Variants in MBD5 observed in about 807,000 individuals in gnomAD.
The protein encoded by MBD5 is methyl-CpG binding domain protein 5.
Under a neutral mutation model 117.3 loss-of-function variants are expected in MBD5, and 13 were observed. The ratio of observed to expected loss-of-function variants is 0.11; its 90% CI spans 0.07 to 0.18. The LOEUF is 0.18. Ranked by LOEUF, MBD5 falls within the 10% of genes least tolerant of loss-of-function variation. The probability of loss-of-function intolerance (pLI) is 1.00; values close to 1 mark genes in which losing one functional copy is unlikely to be tolerated. For missense variants in MBD5, 1,879 were observed against 2,093.8 expected (o/e 0.90, Z 2.00); for synonymous variants, 727 against 766.4 (o/e 0.95, Z 0.85).
chr2:148,242,472 G>C (rs1448771654), intron 3 of MBD5, among the ~76,000 whole-genome samples: 2 of 152,106 alleles, frequency 1.3e-5, no homozygotes, highest in African/African-American at 4.8e-5. Flanking sequence ...ATTACTGCAT[G>C]GCCAGTGTTC....
chr2:148,211,826 A>G (rs7564231), intron 2 of MBD5, among the ~76,000 whole-genome samples: 117,376 of 152,138 alleles, frequency 0.77, 46,601 homozygotes, highest in Non-Finnish European at 0.86. Flanking sequence ...GATCAGTGCA[A>G]CCTCAACCTC....
chr2:148,044,238 T>C (rs973556773), intron 1 of MBD5: 2 of 152,234 alleles, frequency 1.3e-5, no homozygotes, highest in Non-Finnish European at 2.9e-5. Flanking sequence ...TTATTTTTGC[T>C]GGTTTACTTC....
At chr2:148,114,103 G>A (rs1696564360) in intron 1 of MBD5, among the ~76,000 whole-genome samples, 1 of 152,040 alleles carries the variant, frequency 6.6e-6, no homozygotes, top group South Asian at 2.1e-4. Context: ...ATATACTAGT[G>A]CTCTGATTAC....
At chr2:148,080,474 G>T (rs1298018726) in intron 1 of MBD5, among the ~76,000 whole-genome samples, 1 of 151,904 alleles carries the variant, frequency 6.6e-6, no homozygotes, top group Non-Finnish European at 1.5e-5. Context: ...ACAACTTTTT[G>T]CTCTATATAT....
chr2:148,322,299 G>A (rs1254201084), intron 3 of MBD5, among the ~76,000 whole-genome samples: 4 of 152,204 alleles, frequency 2.6e-5, no homozygotes, highest in African/African-American at 9.6e-5. Context: ...AAAGTAGAAT[G>A]TTGTCATTCT....
At chr2:148,356,120 T>A (rs1021863632) in intron 4 of MBD5, among the ~76,000 whole-genome samples, 2 of 152,176 alleles carry the variant, frequency 1.3e-5, no homozygotes, top group Non-Finnish European at 2.9e-5. Flanking sequence ...GGCTCTTTGC[T>A]TGTCTGTTAT....
In MBD5 at chr2:148,056,511, A is replaced by G. The variant is rs185497318; in HGVS notation, c.-925+34827A>G. Among the ~76,000 whole-genome samples the G allele has an allele frequency of 3.3e-5, 5 of 152,220 alleles. No homozygotes were observed. The East Asian group carries it at 5.8e-4, about 18-fold the overall frequency. ...AGCTCAAATTTTTGTATAAAAGTTTATATCACGCACAAATATTGAGTTATA... is the reference window on the plus strand; with the variant it reads ...AGCTCAAATTTTTGTATAAAAGTTTGTATCACGCACAAATATTGAGTTATA... On this transcript the variant is annotated intron_variant, in intron 1 of 13. Coordinates refer to ENST00000642680, the MANE Select transcript of MBD5 (RefSeq NM_001378120.1).
At chr2:148,232,303 C>A (rs912387029) in intron 2 of MBD5, among the ~76,000 whole-genome samples, 1 of 152,132 alleles carries the variant, frequency 6.6e-6, no homozygotes, top group Non-Finnish European at 1.5e-5. Flanking sequence ...GTCTTAAATT[C>A]AGTTTTCTTT....
chr2:148,094,468 G>C (rs1696012860), intron 1 of MBD5, among the ~76,000 whole-genome samples: 1 of 152,048 alleles, frequency 6.6e-6, no homozygotes, highest in South Asian at 2.1e-4. Flanking sequence ...GTCATTCAAT[G>C]TCTGTTTCCT....
intron 11 of MBD5, among the ~76,000 whole-genome samples, chr2:148,497,341 T>C (rs77770007): frequency 0.022 from 3,412 of 152,212 alleles, 132 homozygotes; most frequent in African/African-American, 0.076. Context: ...AAAATCATAA[T>C]ATTACTTGTA....
At chr2:148,399,857 G>A (rs1704860375) in intron 4 of MBD5, among the ~76,000 whole-genome samples, 1 of 152,110 alleles carries the variant, frequency 6.6e-6, no homozygotes, top group Non-Finnish European at 1.5e-5. Context: ...AGAGTTTTTA[G>A]CATGAAGGGG....
intron 4 of MBD5, among the ~76,000 whole-genome samples, chr2:148,411,786 C>T (rs543724860): frequency 6.6e-6 from 1 of 152,052 alleles, no homozygotes; most frequent in African/African-American, 2.4e-5. Context: ...TTCTTGCATT[C>T]TGTAGGTTGT....
intron 4 of MBD5, among the ~76,000 whole-genome samples, chr2:148,432,696 T>C (rs1706027697): frequency 6.6e-6 from 1 of 152,156 alleles, no homozygotes; most frequent in East Asian, 1.9e-4. Flanking sequence ...GCTTTATTTC[T>C]GGGCCCTCTA....
intron 2 of MBD5, among the ~76,000 whole-genome samples, chr2:148,204,822 A>G (rs1014721830): frequency 2.6e-5 from 4 of 152,204 alleles, no homozygotes; most frequent in Non-Finnish European, 4.4e-5. Context: ...AAAATGAGCT[A>G]CTGCCAATCA....
At position 148,208,054 on chromosome 2, in the gene MBD5, C is replaced by G. The variant is rs1438604125; in HGVS notation, c.-830-25191C>G. Among the ~76,000 whole-genome samples the G allele has an allele frequency of 2.6e-5, 4 of 152,082 alleles. No individual in the cohort carries two copies. The South Asian group carries it at 8.3e-4, about 32-fold the overall frequency. On this transcript the variant is annotated intron_variant, in intron 2 of 13. Transcript: ENST00000642680. ...CAGTGGGTCCAGTGTGTTGGCAGAGCCATTCTCCTTCTAAAGAATAAGCTG... is the reference window on the plus strand; with the variant it reads ...CAGTGGGTCCAGTGTGTTGGCAGAGGCATTCTCCTTCTAAAGAATAAGCTG...
chr2:148,137,553 A>G (rs1404425954), intron 1 of MBD5, among the ~76,000 whole-genome samples: 1 of 152,192 alleles, frequency 6.6e-6, no homozygotes, highest in Non-Finnish European at 1.5e-5. Flanking sequence ...TGAGGCCAGG[A>G]ATTCAAGACC....
At chr2:148,030,579 G>GA (rs1297308969) in intron 1 of MBD5, among the ~76,000 whole-genome samples, 9 of 152,098 alleles carry the variant, frequency 5.9e-5, no homozygotes, top group African/African-American at 4.8e-5. Context: ...AGTACATTAA[G>GA]AAAAAATCTG....
intron 11 of MBD5, among the ~76,000 whole-genome samples, chr2:148,499,560 G>A (rs16828691): frequency 0.088 from 13,378 of 152,084 alleles, 686 homozygotes; most frequent in East Asian, 0.19. Flanking sequence ...GCTTGTGATC[G>A]TACAAGAATA....
At chr2:148,180,060 G>C (rs188187716) in intron 2 of MBD5, among the ~76,000 whole-genome samples, 67 of 151,692 alleles carry the variant, frequency 4.4e-4, no homozygotes, top group African/African-American at 1.5e-3. Flanking sequence ...TATTCTCTTA[G>C]AGTGCAAGTA....
Sources: allele counts gnomAD v4.1 joint callset (sites outside exome capture counted in the v4.1 genomes callset), GRCh38; gene constraint gnomAD v4.1.1; transcripts MANE v1.5; gene names NCBI Gene and HGNC (gene_info 2026-07-23, HGNC 2026-07-21).